The following KIF18A variants were observed in gnomAD, a reference collection of about 807,000 sequenced individuals.
KIF18A encodes kinesin family member 18A, also known as kinesin-like protein KIF18A.
Under a neutral mutation model 103.3 loss-of-function variants are expected in KIF18A, and 67 were observed. The observed-to-expected ratio is 0.65, with a 90% confidence interval of 0.53 to 0.79. The LOEUF (loss-of-function observed/expected upper bound fraction) is 0.79. Among genes scored for constraint, KIF18A ranks in the 30% least tolerant of loss-of-function variants. The probability of loss-of-function intolerance (pLI) is 0.00; values close to 1 mark genes in which losing one functional copy is unlikely to be tolerated. For synonymous variants in KIF18A, 367 were observed against 355.5 expected, an observed-to-expected ratio of 1.03 and a Z score of -0.36; for missense variants, 1,032 against 1,062.5, an observed-to-expected ratio of 0.97 and a Z score of 0.40.
At chr11:28,091,809 G>A (rs1851308406) in intron 3 of KIF18A, among the ~76,000 whole-genome samples, 1 of 152,124 alleles carries the variant, frequency 6.6e-6, no homozygotes, top group Non-Finnish European at 1.5e-5. Flanking sequence ...GATAGCTGAA[G>A]TGCATTTTCT....
intron 10 of KIF18A, among the ~76,000 whole-genome samples, chr11:28,076,007 T>C (rs907288864): frequency 6.6e-6 from 1 of 151,982 alleles, no homozygotes; most frequent in Non-Finnish European, 1.5e-5. Context: ...CCAACAGTGA[T>C]GGTTGGCAAG....
At chr11:28,101,513 G>A (rs557741066) in intron 1 of KIF18A, among the ~76,000 whole-genome samples, 2 of 152,042 alleles carry the variant, frequency 1.3e-5, no homozygotes, top group African/African-American at 4.8e-5. Flanking sequence ...GCTCTATGAC[G>A]TACTGACTGT....
chr11:28,091,141 A>ATACATACATAC (rs1554974410), intron 4 of KIF18A, among the ~76,000 whole-genome samples: 16 of 128,536 alleles, frequency 1.2e-4, no homozygotes, highest in East Asian at 1.2e-3. Context: ...TAAATAAATA[A>ATACATACATAC]ATAAATAAAT....
rs557746427 is a variant in KIF18A at position 28,032,194 on chromosome 11, A to G, written c.2504+3193T>C. Among the ~76,000 whole-genome samples the G allele has an allele frequency of 2.6e-5, 4 of 152,072 alleles. No individual in the cohort carries two copies. In the South Asian group the frequency reaches 8.3e-4, roughly 32 times the overall value. On this transcript the variant is annotated intron_variant, in intron 15 of 16. Transcript: ENST00000263181. ...GTAAAAGAGCTCCATAATGAAAACT[A>G]TAAAACACTGATGTAAGAAAAGCAG...
In KIF18A at chr11:28,082,930, T is replaced by A; in HGVS notation, c.1188A>T (p.Glu396Asp). The A allele has an allele frequency of 6.2e-7, 1 of 1,603,592 alleles. No homozygotes were observed. Among genetic ancestry groups the A allele is most frequent in the East Asian group, 2.2e-5 (1 of 44,592 alleles). Residue 396 changes from glutamate (E) to aspartate (D), a missense_variant, in exon 9 of 17, where the codon GAA (glutamate) becomes GAT (aspartate). Physicochemically the swap from Glu to Asp is conservative, Grantham distance 45. Transcript: ENST00000263181. Reference sequence around the variant, plus strand: ...CATTTTCATTAGTGAAGGCTTTCTGTTCTTCATAGGCTTTTAGTTTTTCTT... The same window carrying A: ...CATTTTCATTAGTGAAGGCTTTCTGATCTTCATAGGCTTTTAGTTTTTCTT... ...LLKEKLKAYE[E>D]QKAFTNENDQ...
At chr11:28,089,349 G>A (rs1369158297) in intron 5 of KIF18A, among the ~76,000 whole-genome samples, 1 of 152,070 alleles carries the variant, frequency 6.6e-6, no homozygotes, top group African/African-American at 2.4e-5. Flanking sequence ...CCACAGACTT[G>A]GTAAACAGAA....
At chr11:28,068,803 G>T (rs1330196437) in intron 11 of KIF18A, among the ~76,000 whole-genome samples, 1 of 152,134 alleles carries the variant, frequency 6.6e-6, no homozygotes, top group East Asian at 1.9e-4. Flanking sequence ...AGGCACTAAA[G>T]TTAGACTACT....
At position 28,057,832 on chromosome 11, in the gene KIF18A, T is replaced by C. The variant is rs774793503; in HGVS notation, c.1948+1094A>G. On this transcript the variant is annotated intron_variant, in intron 13 of 16. Transcript: ENST00000263181. ...CTATTCTCTGGATTCTCAAAAACAA[T>C]AAAAAAATGAGGTAGATTCTTCATG... Among the ~76,000 whole-genome samples the C allele has an allele frequency of 5.5e-4, 84 of 151,922 alleles. 1 individual carries two copies. The highest frequency in any genetic ancestry group is 1.1e-3 in the Non-Finnish European group (74 of 67,960).
At position 28,045,254 on chromosome 11, in the gene KIF18A, G is replaced by T. The variant is rs889504176; in HGVS notation, c.1949-8590C>A. Among the ~76,000 whole-genome samples the T allele has an allele frequency of 2.0e-5, 3 of 152,050 alleles. No individual in the cohort carries two copies. The East Asian group carries it at 5.8e-4, about 29-fold the overall frequency. ...TACAAATGTATTTATTGGTGGTATT[G>T]CTCTTTAAGCTACTTAAGTCTACCT... On this transcript the variant is annotated intron_variant, in intron 13 of 16. Transcript: ENST00000263181.
intron 10 of KIF18A, among the ~76,000 whole-genome samples, chr11:28,074,597 CTGAA>C (rs1851065791): frequency 6.6e-6 from 1 of 152,078 alleles, no homozygotes; most frequent in Admixed American, 6.6e-5. Context: ...TGATACATTA[CTGAA>C]TGCTTTATGA....
chr11:28,057,377 T>A (rs1306283568), intron 13 of KIF18A, among the ~76,000 whole-genome samples: 1 of 152,052 alleles, frequency 6.6e-6, no homozygotes, highest in Non-Finnish European at 1.5e-5. Context: ...TAGCCAGGCA[T>A]GATGGCGGGC....
intron 15 of KIF18A, among the ~76,000 whole-genome samples, chr11:28,034,117 T>C (rs1326082604): frequency 1.3e-5 from 2 of 151,738 alleles, no homozygotes; most frequent in African/African-American, 2.4e-5. Context: ...TTCTAGAATA[T>C]CCACTTGATT....
intron 1 of KIF18A, among the ~76,000 whole-genome samples, chr11:28,100,319 T>C (rs891643534): frequency 6.6e-5 from 10 of 151,988 alleles, no homozygotes; most frequent in African/African-American, 2.2e-4. Context: ...CTTAATGCAG[T>C]ATTAAGCTTT....
At chr11:28,107,565 G>C (rs1020096210) in intron 1 of KIF18A, among the ~76,000 whole-genome samples, 1 of 152,180 alleles carries the variant, frequency 6.6e-6, no homozygotes, top group Non-Finnish European at 1.5e-5. Flanking sequence ...TGGGGCTCAG[G>C]AGGGGTTCCC....
intron 13 of KIF18A, among the ~76,000 whole-genome samples, chr11:28,040,823 A>C (rs747026960): frequency 4.1e-4 from 63 of 151,910 alleles, no homozygotes; most frequent in Non-Finnish European, 7.7e-4. Context: ...ACATCTCTTG[A>C]GACTTTAACT....
In KIF18A at chr11:28,058,941, G is replaced by A; in HGVS notation, c.1933C>T (p.Gln645Ter). 6.2e-7 allele frequency: 1 copy of A among 1,613,678 alleles called. No homozygotes were observed. The highest frequency in any genetic ancestry group is 8.5e-7 in the Non-Finnish European group (1 of 1,179,652). Residue 645 changes from glutamine to a stop codon, truncating the protein, a stop_gained, in exon 13 of 17, where the codon CAG becomes TAG. Coordinates refer to ENST00000263181, the MANE Select transcript of KIF18A (RefSeq NM_031217.4). LOFTEE classifies it high-confidence loss of function. ...TTATACTTACAACAAGGAATAGGCT[G>A]AACTGGTCCAAGTTGTGGAAAGGTC... ...LMTFPQLGPV[Q>*]PIPCCSSSGG... is the part of the protein sequence containing the mutation.
In KIF18A at chr11:28,094,642, C is replaced by A. The variant is rs1406883083; in HGVS notation, c.483+1G>T. The A allele has an allele frequency of 6.2e-7, 1 of 1,601,940 alleles. No homozygotes were observed. The highest frequency in any genetic ancestry group is 8.5e-7 in the Non-Finnish European group (1 of 1,170,218). ...TTGATTAATCTAAATTCCCAACTTA[C>A]CTCCAGATATGAAACTGCAGTACTA... is the stretch of plus-strand genomic sequence containing the variant. On this transcript the variant is annotated splice_donor_variant, in intron 3 of 16. Transcript: ENST00000263181. LOFTEE classifies it high-confidence loss of function.
At chr11:28,081,799 G>A (rs1433883635) in intron 9 of KIF18A, among the ~76,000 whole-genome samples, 4 of 152,200 alleles carry the variant, frequency 2.6e-5, no homozygotes, top group African/African-American at 4.8e-5. Context: ...CTTCTCTGAC[G>A]GATCTAGGCA....
At chr11:28,097,529 A>AATTTGT (rs1435682583) in intron 2 of KIF18A, 94 bp downstream of exon 2, 1 of 837,416 alleles carries the variant, frequency 1.2e-6, no homozygotes. Flanking sequence ...AAGCTCCTTA[A>AATTTGT]ATTTGATTAT....
Sources: gnomAD v4.1 joint callset for allele counts (sites outside exome capture counted in the v4.1 genomes callset) on GRCh38, gnomAD v4.1.1 for gene constraint, MANE v1.5 for transcripts, NCBI Gene and HGNC (gene_info 2026-07-23, HGNC 2026-07-21) for gene names.